The following TANGO6 variants were observed in gnomAD, a reference collection of about 807,000 sequenced individuals.
TANGO6 encodes the protein transport and Golgi organization protein 6 homolog.
Under a neutral mutation model 114.2 loss-of-function variants are expected in TANGO6, and 90 were observed. That is an observed-to-expected ratio of 0.79 (90% confidence interval 0.66 to 0.94). The LOEUF (loss-of-function observed/expected upper bound fraction) is 0.94, where lower values mean the gene tolerates loss of function less well. Among genes scored for constraint, TANGO6 ranks in the 40% least tolerant of loss-of-function variants. TANGO6 has a pLI of 0.00. For synonymous variants in TANGO6, 477 were observed against 509.8 expected (o/e 0.94, Z 0.87); for missense variants, 1,274 against 1,315.3 (o/e 0.97, Z 0.49).
At chr16:69,012,580 G>GAAAAAAAAA (rs745623750) in intron 15 of TANGO6, among the ~76,000 whole-genome samples, 1 of 108,532 alleles carries the variant, frequency 9.2e-6, no homozygotes, top group Non-Finnish European at 1.9e-5. Flanking sequence ...AAAAAAAAAG[G>GAAAAAAAAA]AAAAAAAAAA....
At position 68,860,235 on chromosome 16, in the gene TANGO6, T is replaced by G; in HGVS notation, c.446T>G (p.Leu149Trp). The G allele has an allele frequency of 6.2e-7, 1 of 1,614,072 alleles. No homozygotes were observed. Among genetic ancestry groups the G allele is most frequent in the South Asian group, 1.1e-5 (1 of 91,086 alleles). ...ISQQKTVQFVLQFVVTLGICP... is the reference protein window; with the variant it reads ...ISQQKTVQFVWQFVVTLGICP... The stretch of plus-strand genomic sequence containing the variant: ...CAACAGAAGACTGTCCAGTTCGTTT[T>G]GCAGTTTGTAGTTACCTTGGGTATC... The change falls in exon 2 of 18, where the codon TTG (leucine) becomes TGG (tryptophan). Residue 149 changes from leucine to tryptophan, a missense_variant. Transcript: ENST00000261778.
chr16:69,020,516 G>A (rs759372008), intron 15 of TANGO6, among the ~76,000 whole-genome samples: 2 of 152,220 alleles, frequency 1.3e-5, no homozygotes, highest in Non-Finnish European at 2.9e-5. Flanking sequence ...GCTAATTGAA[G>A]CTCACTGAGG....
At chr16:68,948,771 T>C (rs963369065) in intron 14 of TANGO6, among the ~76,000 whole-genome samples, 1 of 152,246 alleles carries the variant, frequency 6.6e-6, no homozygotes, top group Non-Finnish European at 1.5e-5. Flanking sequence ...ATCTTTCACA[T>C]GGACTGTGAG....
chr16:69,020,922 G>GTGTGTGTGTGTA (rs996196022), intron 15 of TANGO6, among the ~76,000 whole-genome samples: 3 of 151,006 alleles, frequency 2.0e-5, no homozygotes, highest in African/African-American at 7.3e-5. Flanking sequence ...GTGTGTGTGT[G>GTGTGTGTGTGTA]TGTGTGTGTG....
At chr16:69,000,161 A>G (rs975129196) in intron 15 of TANGO6, among the ~76,000 whole-genome samples, 1 of 152,228 alleles carries the variant, frequency 6.6e-6, no homozygotes, top group Non-Finnish European at 1.5e-5. Flanking sequence ...GAAGTTTCAC[A>G]TAATTTTGGA....
intron 14 of TANGO6, chr16:68,933,832 A>T (rs1282058981): frequency 6.6e-6 from 1 of 152,242 alleles, no homozygotes; most frequent in African/African-American, 2.4e-5. Flanking sequence ...GCATTGATGC[A>T]GTAATGCCCT....
At chr16:68,882,223 A>G (rs951810305) in intron 7 of TANGO6, among the ~76,000 whole-genome samples, 2 of 152,032 alleles carry the variant, frequency 1.3e-5, no homozygotes, top group African/African-American at 4.8e-5. Flanking sequence ...TAGGCCGGGC[A>G]CGGTGGCTCA....
chr16:68,968,126 C>G (rs1330243760), intron 14 of TANGO6, among the ~76,000 whole-genome samples: 1 of 151,898 alleles, frequency 6.6e-6, no homozygotes, highest in Non-Finnish European at 1.5e-5. Context: ...AGTGCAGTGG[C>G]GCCATCTCGG....
chr16:68,941,411 T>A (rs78795582), intron 14 of TANGO6, among the ~76,000 whole-genome samples: 4 of 152,112 alleles, frequency 2.6e-5, no homozygotes, highest in Admixed American at 1.3e-4. Flanking sequence ...GTTTTTTTTT[T>A]ATTAGAGTCT....
intron 4 of TANGO6, among the ~76,000 whole-genome samples, chr16:68,873,406 C>G (rs1962308496): frequency 6.6e-6 from 1 of 152,098 alleles, no homozygotes; most frequent in African/African-American, 2.4e-5. Context: ...CTTCTTCTGC[C>G]AGGTTCAAGC....
intron 17 of TANGO6, among the ~76,000 whole-genome samples, chr16:69,076,371 C>A (rs536664494): frequency 6.6e-6 from 1 of 152,086 alleles, no homozygotes; most frequent in Admixed American, 6.6e-5. Flanking sequence ...GGATTACATG[C>A]GTGAGCCACC....
chr16:68,969,158 C>T (rs1963679198), intron 14 of TANGO6, among the ~76,000 whole-genome samples: 1 of 152,134 alleles, frequency 6.6e-6, no homozygotes, highest in African/African-American at 2.4e-5. Flanking sequence ...AGGTCTCTCT[C>T]ACACAATCCT....
chr16:69,041,323 G>A (rs1270827892), intron 17 of TANGO6, among the ~76,000 whole-genome samples: 1 of 152,010 alleles, frequency 6.6e-6, no homozygotes, highest in East Asian at 1.9e-4. Context: ...GCGCATGCCT[G>A]TAATCCCATC....
At chr16:68,949,245 G>A (rs1458864508) in intron 14 of TANGO6, among the ~76,000 whole-genome samples, 3 of 152,212 alleles carry the variant, frequency 2.0e-5, no homozygotes, top group African/African-American at 4.8e-5. Flanking sequence ...TACTGAGAGC[G>A]TGAGTTAAGT....
chr16:68,996,509 A>C, intron 15 of TANGO6, among the ~76,000 whole-genome samples: 1 of 152,204 alleles, frequency 6.6e-6, no homozygotes. Context: ...AGCACAAAAA[A>C]GGGGCACATG....
At chr16:68,876,419 C>G (rs1315964361) in intron 5 of TANGO6, among the ~76,000 whole-genome samples, 1 of 152,154 alleles carries the variant, frequency 6.6e-6, no homozygotes, top group Non-Finnish European at 1.5e-5. Context: ...CCTCGGCCTC[C>G]CGAAGTGCTG....
intron 15 of TANGO6, among the ~76,000 whole-genome samples, chr16:69,004,141 T>C (rs1337174628): frequency 1.3e-5 from 2 of 152,154 alleles, no homozygotes; most frequent in African/African-American, 4.8e-5. Flanking sequence ...CTTGGACTTA[T>C]TTACTTAATT....
At chr16:68,882,768 C>T (rs966692494) in intron 7 of TANGO6, among the ~76,000 whole-genome samples, 2 of 151,882 alleles carry the variant, frequency 1.3e-5, no homozygotes, top group African/African-American at 4.8e-5. Flanking sequence ...CCTGTAATCC[C>T]AACACTTTGG....
At chr16:68,850,088 C>T (rs1233663483) in intron 1 of TANGO6, among the ~76,000 whole-genome samples, 1 of 151,544 alleles carries the variant, frequency 6.6e-6, no homozygotes, top group Non-Finnish European at 1.5e-5. Context: ...ATTATCCTGC[C>T]TCAGCCTCCC....
Sources: allele counts gnomAD v4.1 joint callset (sites outside exome capture counted in the v4.1 genomes callset), GRCh38; gene constraint gnomAD v4.1.1; transcripts MANE v1.5; gene names NCBI Gene and HGNC (gene_info 2026-07-23, HGNC 2026-07-21).